The following CCDC3 variants were observed in gnomAD, a reference collection of about 807,000 sequenced individuals.
CCDC3 encodes coiled-coil domain containing 3.
Under a neutral mutation model 21.4 loss-of-function variants are expected in CCDC3, and 24 were observed. The observed-to-expected ratio is 1.12, with a 90% CI of 0.81 to 1.58. The LOEUF (loss-of-function observed/expected upper bound fraction) is 1.58, where lower values mean the gene tolerates loss of function less well. Ranked by LOEUF, CCDC3 falls within the 40% of genes most tolerant of loss-of-function variation. The pLI is 0.00. For synonymous variants in CCDC3, 186 were observed against 166.0 expected, an observed-to-expected ratio of 1.12 and a Z score of -0.93; for missense variants, 425 against 360.9, an observed-to-expected ratio of 1.18 and a Z score of -1.44.
At chr10:12,911,954 T>TTTTGTCACAAATGATGG (rs1834277168) in intron 2 of CCDC3, among the ~76,000 whole-genome samples, 1 of 152,216 alleles carries the variant, frequency 6.6e-6, no homozygotes, top group African/African-American at 2.4e-5. Context: ...GTTTCATCCA[T>TTTTGTCACAAATGATGG]TTTGTCACAA....
At chr10:12,934,211 T>C (rs1251067729) in intron 2 of CCDC3, among the ~76,000 whole-genome samples, 5 of 152,212 alleles carry the variant, frequency 3.3e-5, no homozygotes, top group Non-Finnish European at 7.4e-5. Flanking sequence ...TACTTGGAAA[T>C]GTCTTGTACA....
At chr10:13,081,110 A>G (rs1367258375) in intron 3 of CCDC3, among the ~76,000 whole-genome samples, 1 of 152,184 alleles carries the variant, frequency 6.6e-6, no homozygotes, top group Non-Finnish European at 1.5e-5. Flanking sequence ...CAACTAAGTA[A>G]ACATTTTTAA....
chr10:13,029,225 T>C (rs946640215), intron 5 of CCDC3, among the ~76,000 whole-genome samples: 1 of 152,206 alleles, frequency 6.6e-6, no homozygotes, highest in Non-Finnish European at 1.5e-5. Context: ...TGTCTCATCT[T>C]GTCCTGTTGG....
intron 5 of CCDC3, among the ~76,000 whole-genome samples, chr10:13,011,025 C>T (rs1028108650): frequency 6.6e-6 from 1 of 152,026 alleles, no homozygotes; most frequent in Non-Finnish European, 1.5e-5. Flanking sequence ...ACTAAAAATA[C>T]AAAAATTAGC....
Position 12,971,987 on chromosome 10 carries a change from C to T in CCDC3, c.549+26351G>A, listed in dbSNP as rs552135998. The stretch of plus-strand genomic sequence containing the variant: ...CAGGTGTGAGCCACCATGCCCAGCC[C>T]GAAGTTTTTGTCTTTACCCTCTGCT... On this transcript the variant is annotated intron_variant, in intron 2 of 2. Coordinates refer to ENST00000378825, the MANE Select transcript of CCDC3 (RefSeq NM_031455.4). Among the ~76,000 whole-genome samples the T allele has an allele frequency of 3.3e-5, 5 of 152,146 alleles. No individual in the cohort carries two copies. In the South Asian group the frequency reaches 1.0e-3, roughly 32 times the overall value.
chr10:13,066,440 C>G (rs10796010), intron 4 of CCDC3, among the ~76,000 whole-genome samples: 1 of 152,096 alleles, frequency 6.6e-6, no homozygotes, highest in Non-Finnish European at 1.5e-5. Context: ...CACCTCTCCA[C>G]AGATTTTATA....
chr10:12,998,609 T>C, intron 1 of CCDC3, 97 bp from the exon 2 acceptor site: 5 of 1,061,114 alleles, frequency 4.7e-6, no homozygotes, highest in East Asian at 2.4e-5. Flanking sequence ...GCTTGCCAAT[T>C]TCACATCAAT....
At chr10:12,966,681 C>T (rs1186428049) in intron 2 of CCDC3, among the ~76,000 whole-genome samples, 1 of 152,172 alleles carries the variant, frequency 6.6e-6, no homozygotes, top group African/African-American at 2.4e-5. Flanking sequence ...GGAATCATCC[C>T]TCTTGCCTAC....
Position 13,034,909 on chromosome 10 carries a change from C to T in CCDC3, c.-2+14765G>A, listed in dbSNP as rs1367399714. Among the ~76,000 whole-genome samples, 5 of 152,078 alleles carry T rather than the reference C, an allele frequency of 3.3e-5. No homozygotes were observed. In the East Asian group the frequency reaches 9.7e-4, roughly 29 times the overall value. On this transcript the variant is annotated intron_variant, in intron 5 of 6. Transcript: ENST00000378839. ...GGCATGTTGGCGGATGCCTGTAATCCCAGCTACTTGGGAGGCTGAGGCAGG... is the reference window on the plus strand; with the variant it reads ...GGCATGTTGGCGGATGCCTGTAATCTCAGCTACTTGGGAGGCTGAGGCAGG...
At chr10:12,961,136 G>A (rs572174719) in intron 2 of CCDC3, among the ~76,000 whole-genome samples, 1 of 152,284 alleles carries the variant, frequency 6.6e-6, no homozygotes, top group East Asian at 1.9e-4. Flanking sequence ...GTGAGCACCG[G>A]CTGGGAATTC....
chr10:13,058,426 T>C (rs1428558096), intron 4 of CCDC3: 1 of 785,852 alleles, frequency 1.3e-6, no homozygotes, highest in African/African-American at 1.7e-5. Flanking sequence ...CACCGTATTT[T>C]GGCAGTTCGT....
chr10:12,902,114 T>C (rs1315546498), intron 2 of CCDC3, among the ~76,000 whole-genome samples: 1 of 152,216 alleles, frequency 6.6e-6, no homozygotes, highest in Non-Finnish European at 1.5e-5. Flanking sequence ...CATTCACAAG[T>C]CACAAGCTCC....
intron 5 of CCDC3, among the ~76,000 whole-genome samples, chr10:13,040,028 T>G (rs1477223338): frequency 6.6e-6 from 1 of 152,096 alleles, no homozygotes; most frequent in African/African-American, 2.4e-5. Context: ...ATCTGTCTGA[T>G]TTCACTGTAA....
chr10:12,948,145 C>T (rs931213804), intron 2 of CCDC3, among the ~76,000 whole-genome samples: 8 of 152,066 alleles, frequency 5.3e-5, no homozygotes, highest in Non-Finnish European at 8.8e-5. Flanking sequence ...ATAAGTCCCA[C>T]GAGATCTGAT....
At chr10:13,067,020 G>A (rs944767959) in intron 4 of CCDC3, among the ~76,000 whole-genome samples, 3 of 152,276 alleles carry the variant, frequency 2.0e-5, no homozygotes, top group Admixed American at 6.5e-5. Flanking sequence ...CCTAGGTGTG[G>A]GGCTTGAGGA....
chr10:13,054,148 C>T (rs1370972907), intron 4 of CCDC3, among the ~76,000 whole-genome samples: 2 of 106,376 alleles, frequency 1.9e-5, no homozygotes, highest in Non-Finnish European at 4.2e-5. Flanking sequence ...GAGAGAGACT[C>T]TGTATCAAAA....
intron 4 of CCDC3, among the ~76,000 whole-genome samples, chr10:13,059,752 T>G (rs1490677322): frequency 1.3e-5 from 2 of 152,164 alleles, no homozygotes; most frequent in Non-Finnish European, 2.9e-5. Context: ...CTCTTGTGCA[T>G]TCTCACATTG....
intron 5 of CCDC3, among the ~76,000 whole-genome samples, chr10:13,015,015 C>T (rs1259748673): frequency 6.6e-6 from 1 of 151,980 alleles, no homozygotes; most frequent in Non-Finnish European, 1.5e-5. Flanking sequence ...GTAGCACATT[C>T]ATATATTTGA....
At chr10:13,025,220 A>G (rs763713562) in intron 5 of CCDC3, among the ~76,000 whole-genome samples, 1 of 152,154 alleles carries the variant, frequency 6.6e-6, no homozygotes, top group East Asian at 1.9e-4. Flanking sequence ...TGGAGGTTCA[A>G]CTGGAATTGG....
Sources: gnomAD v4.1 joint callset for allele counts (sites outside exome capture counted in the v4.1 genomes callset) on GRCh38, gnomAD v4.1.1 for gene constraint, MANE v1.5 for transcripts, NCBI Gene and HGNC (gene_info 2026-07-23, HGNC 2026-07-21) for gene names.